CPNE7: variants seen among roughly 807,000 people sequenced by gnomAD.
The protein encoded by CPNE7 is copine-7.
Under a neutral mutation model 66.5 loss-of-function variants are expected in CPNE7, and 78 were observed. The observed-to-expected ratio is 1.17, with a 90% CI of 0.98 to 1.42. CPNE7 has a LOEUF of 1.42. Ranked by LOEUF, CPNE7 falls within the 40% of genes most tolerant of loss-of-function variation. The probability of loss-of-function intolerance (pLI) is 0.00; values close to 1 mark genes in which losing one functional copy is unlikely to be tolerated. For synonymous variants in CPNE7, 468 were observed against 336.7 expected (o/e 1.39, Z -4.27); for missense variants, 1,012 against 776.6 (o/e 1.30, Z -3.60).
At chr16:89,577,765 G>A (rs954127253) in intron 2 of CPNE7, 44 bp downstream of exon 2, 1 of 1,542,780 alleles carries the variant, frequency 6.5e-7, no homozygotes, top group Non-Finnish European at 8.7e-7. Flanking sequence ...GGTTGGCGTG[G>A]GGGCCACAGC....
At chr16:89,591,338 C>T in intron 13 of CPNE7, 78 bp downstream of exon 13, 2 of 1,453,516 alleles carry the variant, frequency 1.4e-6, no homozygotes, top group South Asian at 1.4e-5. Context: ...GTCAGGGAGG[C>T]ACCTGGCAGA....
intron 14 of CPNE7, among the ~76,000 whole-genome samples, chr16:89,596,283 G>T (rs187157618): frequency 2.6e-5 from 4 of 152,340 alleles, no homozygotes; most frequent in East Asian, 3.9e-4. Context: ...TCCGTGCTTG[G>T]GGGGCTGGAA....
At chr16:89,590,032 G>GC in intron 11 of CPNE7, 81 bp downstream of exon 11, 2 of 1,491,298 alleles carry the variant, frequency 1.3e-6, no homozygotes, top group Non-Finnish European at 1.9e-6. Context: ...GGCCCAGGGA[G>GC]CCCTGGCTGC....
At chr16:89,578,310 G>A (rs1597690804) in intron 2 of CPNE7, among the ~76,000 whole-genome samples, 1 of 151,954 alleles carries the variant, frequency 6.6e-6, no homozygotes, top group Non-Finnish European at 1.5e-5. Context: ...TGATCCGCCT[G>A]CCTTGTCCTC....
intron 3 of CPNE7, 42 bp from the exon 4 acceptor site, chr16:89,583,986 C>G (rs2058996013): frequency 6.2e-7 from 1 of 1,607,578 alleles, no homozygotes; most frequent in Non-Finnish European, 8.5e-7. Context: ...TGGGGTCAGG[C>G]CCCACCTGGC....
At chr16:89,585,369 C>T (rs2059017802) in intron 5 of CPNE7, 95 bp from the exon 6 acceptor site, 4 of 857,768 alleles carry the variant, frequency 4.7e-6, no homozygotes, top group East Asian at 2.6e-5. Context: ...GCCAGCTGTG[C>T]CCGCCTCACA....
rs1410400524 is a variant in CPNE7 at position 89,575,891 on chromosome 16, C to T, written c.-7C>T. ...TGCGCCCAGCCGGGCCCCCGAACGC[C>T]GGGAGCATGAGCGCGGGCTCGGAGC... On this transcript the variant is annotated 5_prime_UTR_variant, in exon 1 of 15. Coordinates refer to ENST00000319518, the MANE Select transcript of CPNE7 (RefSeq NM_153636.3). 9.9e-6 allele frequency: 12 copies of T among 1,216,666 alleles called. No individual in the cohort carries two copies. The highest frequency in any genetic ancestry group is 3.2e-4 in the Middle Eastern group (1 of 3,122). The allele number at this position is 1,216,666 out of a possible 1,614,324, so 75.4% of individuals were successfully genotyped here. A position where few individuals can be genotyped will look rare whatever the true frequency, so the allele number is the denominator to read the frequency against.
In CPNE7 at chr16:89,584,189, C is replaced by G. The variant is rs75011255; in HGVS notation, c.507+87C>G. ...CGGTCCCTGCCCAGCGCTGACCTCG[C>G]GTGGCTATGTCCCGTGTGAGACGTG... On this transcript the variant is annotated intron_variant, in intron 4 of 14. Coordinates refer to ENST00000319518, the MANE Select transcript of CPNE7 (RefSeq NM_153636.3). The surrounding 1 kb of genome is among the most constrained non-coding windows in gnomAD (Gnocchi z 6.0). The G allele has an allele frequency of 7.3e-7, 1 of 1,360,744 alleles. No homozygotes were observed. The highest frequency in any genetic ancestry group is 1.5e-5 in the African/African-American group (1 of 68,834). The allele number at this position is 1,360,744 out of a possible 1,614,324, so 84.3% of individuals were successfully genotyped here. A position where few individuals can be genotyped will look rare whatever the true frequency, so the allele number is the denominator to read the frequency against.
At position 89,575,987 on chromosome 16, in the gene CPNE7, C is replaced by T. The variant is rs1287629429; in HGVS notation, c.90C>T (p.Cys30=). The change falls in exon 1 of 15, where the codon TGC becomes TGT. Residue 30 remains cysteine, a synonymous_variant. Transcript: ENST00000319518. ...CGAAGGTGGAGCTGCGGCTCAGCTG[C>T]CGGCACCTGCTGGACCGCGACCCGC... ...CASKVELRLS[C]RHLLDRDPLT... 4 of 1,378,104 alleles carry T rather than the reference C, an allele frequency of 2.9e-6. No homozygotes were observed. Among genetic ancestry groups the T allele is most frequent in the Non-Finnish European group, 3.8e-6 (4 of 1,065,056 alleles). 85.4% of individuals were successfully genotyped at this position (1,378,104 alleles called of 1,614,324 possible). A position where few individuals can be genotyped will look rare whatever the true frequency, so the allele number is the denominator to read the frequency against.
Position 89,594,796 on chromosome 16 carries a change from C to T in CPNE7, c.1303-571C>T, listed in dbSNP as rs1390495193. ...CCTCCCGAATAGCTGGGATTACAGGCGCCCACCACCACGCCCAGCTAGTTT... is the reference window on the plus strand; with the variant it reads ...CCTCCCGAATAGCTGGGATTACAGGTGCCCACCACCACGCCCAGCTAGTTT... On this transcript the variant is annotated intron_variant, in intron 13 of 14. Coordinates refer to ENST00000319518, the MANE Select transcript of CPNE7 (RefSeq NM_153636.3). 4.0e-5 allele frequency among the ~76,000 whole-genome samples: 6 copies of T among 151,794 alleles called. No individual in the cohort carries two copies. In the East Asian group the frequency reaches 1.2e-3, roughly 29 times the overall value.
intron 13 of CPNE7, among the ~76,000 whole-genome samples, chr16:89,591,588 TCTTTC>T (rs1399071505): frequency 1.3e-5 from 2 of 152,202 alleles, no homozygotes; most frequent in African/African-American, 4.8e-5. Flanking sequence ...TTTACATGTG[TCTTTC>T]CTTTGCACAA....
intron 9 of CPNE7, chr16:89,587,647 G>A (rs1464664698): frequency 2.9e-5 from 13 of 445,170 alleles, no homozygotes; most frequent in Non-Finnish European, 5.0e-5. Flanking sequence ...CACAGACCCC[G>A]TGTCACCCCC....
chr16:89,596,276 G>A (rs1354216393), intron 14 of CPNE7, among the ~76,000 whole-genome samples: 3 of 152,200 alleles, frequency 2.0e-5, no homozygotes, highest in South Asian at 2.1e-4. Flanking sequence ...TTTCATCTCC[G>A]TGCTTGGGGG....
chr16:89,587,134 C>G (rs749891009), intron 9 of CPNE7, 32 bp downstream of exon 9: 9 of 657,504 alleles, frequency 1.4e-5, no homozygotes, highest in African/African-American at 3.4e-5. Flanking sequence ...ATGCCGCCCC[C>G]TCAGTCCGTG....
chr16:89,590,937 AC>A (rs2151455243), intron 11 of CPNE7, 69 bp from the exon 12 acceptor site: 1 of 1,561,708 alleles, frequency 6.4e-7, no homozygotes, highest in Non-Finnish European at 8.8e-7. Flanking sequence ...GGAGCAGCTG[AC>A]CGAGGGACAT....
intron 8 of CPNE7, 37 bp from the exon 9 acceptor site, chr16:89,587,006 C>T: frequency 6.4e-7 from 1 of 1,561,736 alleles, no homozygotes; most frequent in Non-Finnish European, 8.7e-7. Flanking sequence ...CCTCAGTGTC[C>T]CTGGCGGGGG....
At chr16:89,583,942 G>C in intron 3 of CPNE7, 86 bp from the exon 4 acceptor site, 4 of 1,540,070 alleles carry the variant, frequency 2.6e-6, no homozygotes, top group Non-Finnish European at 3.5e-6. Flanking sequence ...CGCTGGGTGG[G>C]GTCAGCCAGC....
chr16:89,590,599 C>T (rs2059152297), intron 11 of CPNE7, among the ~76,000 whole-genome samples: 1 of 151,366 alleles, frequency 6.6e-6, no homozygotes, highest in Non-Finnish European at 1.5e-5. Flanking sequence ...GATTTATTGG[C>T]TAATGTAAGC....
chr16:89,585,406 C>A (rs951032018), intron 5 of CPNE7, 58 bp from the exon 6 acceptor site: 2 of 1,218,404 alleles, frequency 1.6e-6, no homozygotes, highest in Non-Finnish European at 2.4e-6. Context: ...GGTCTCTATC[C>A]CCCCCAAGGA....
Sources: allele counts gnomAD v4.1 joint callset (sites outside exome capture counted in the v4.1 genomes callset), GRCh38; gene constraint gnomAD v4.1.1; non-coding constraint Gnocchi (gnomAD v3.1); transcripts MANE v1.5; gene names NCBI Gene and HGNC (gene_info 2026-07-23, HGNC 2026-07-21).